JAKMIP2: variants seen among roughly 807,000 people sequenced by gnomAD.
JAKMIP2 encodes the protein janus kinase and microtubule-interacting protein 2.
A neutral mutation model predicts 115.0 loss-of-function variants in JAKMIP2; 25 were observed. That is an observed-to-expected ratio of 0.22 (90% CI 0.16 to 0.30). The LOEUF (loss-of-function observed/expected upper bound fraction) is 0.30, where lower values mean the gene tolerates loss of function less well. Among genes scored for constraint, JAKMIP2 ranks in the 10% least tolerant of loss-of-function variants. JAKMIP2 has a pLI of 1.00. For missense variants in JAKMIP2, 642 were observed against 957.6 expected, an observed-to-expected ratio of 0.67 and a Z score of 4.35; for synonymous variants, 334 against 343.6, an observed-to-expected ratio of 0.97 and a Z score of 0.31.
At chr5:147,674,816 C>A (rs1759839291) in intron 1 of JAKMIP2, among the ~76,000 whole-genome samples, 1 of 152,148 alleles carries the variant, frequency 6.6e-6, no homozygotes, top group African/African-American at 2.4e-5. Flanking sequence ...AGACCGGGAA[C>A]CAAGCTCTTT....
chr5:147,639,776 A>T lies in JAKMIP2; in HGVS notation c.1402-16T>A. 6.2e-7 allele frequency: 1 copy of T among 1,610,004 alleles called. No homozygotes were observed. The highest frequency in any genetic ancestry group is 1.7e-5 in the Admixed American group (1 of 59,062). ...CTGCTAAACTCTTGAGGTTAAGAAAAAAAGCCCCAAAACAATTGTGTTATG... is the reference window on the plus strand; with the variant it reads ...CTGCTAAACTCTTGAGGTTAAGAAATAAAGCCCCAAAACAATTGTGTTATG... On this transcript the variant is annotated splice_polypyrimidine_tract_variant and intron_variant, in intron 9 of 21. Transcript: ENST00000616793.
chr5:147,773,291 C>T (rs181821172), intron 1 of JAKMIP2, among the ~76,000 whole-genome samples: 13 of 152,080 alleles, frequency 8.5e-5, no homozygotes, highest in South Asian at 2.1e-4. Context: ...AGGATCCTTT[C>T]GTTGGTCAAA....
chr5:147,631,378 T>C (rs746928388), intron 14 of JAKMIP2, 35 bp downstream of exon 14: 3 of 1,401,822 alleles, frequency 2.1e-6, no homozygotes, highest in Admixed American at 2.0e-5. Context: ...GTTTTTCTAA[T>C]TTCTACAAAC....
intron 19 of JAKMIP2, 49 bp from the exon 20 acceptor site, chr5:147,612,420 T>C: frequency 1.8e-6 from 2 of 1,122,316 alleles, no homozygotes; most frequent in Non-Finnish European, 2.6e-6. Flanking sequence ...TGGTAAGTTG[T>C]GCGGAAAAAT....
chr5:147,597,888 T>C (rs1755476711), intron 21 of JAKMIP2, among the ~76,000 whole-genome samples: 1 of 152,118 alleles, frequency 6.6e-6, no homozygotes, highest in Admixed American at 6.5e-5. Flanking sequence ...CCTTCAGCCT[T>C]TGGACTCTGG....
chr5:147,639,775 A>T lies in JAKMIP2; in HGVS notation c.1402-15T>A, dbSNP rs773138832. On this transcript the variant is annotated splice_polypyrimidine_tract_variant and intron_variant, in intron 9 of 21. Coordinates refer to ENST00000616793, the MANE Select transcript of JAKMIP2 (RefSeq NM_001270941.2). ...GCTGCTAAACTCTTGAGGTTAAGAA[A>T]AAAAGCCCCAAAACAATTGTGTTAT... 1 of 1,609,014 alleles carries T rather than the reference A, an allele frequency of 6.2e-7. No individual in the cohort carries two copies. The highest frequency in any genetic ancestry group is 1.7e-5 in the Admixed American group (1 of 59,054).
rs182899180 is a variant in JAKMIP2 at position 147,763,511 on chromosome 5, C to T, written c.-149+18945G>A. 7.9e-5 allele frequency among the ~76,000 whole-genome samples: 12 copies of T among 152,178 alleles called. No individual in the cohort carries two copies. In the East Asian group the frequency reaches 2.1e-3, roughly 27 times the overall value. Reference sequence around the variant, plus strand: ...TTGGGGTCAGGTTACTACAGGCTTTCGAATATCCTAGATGCATTGCAGGAA... The same window carrying T: ...TTGGGGTCAGGTTACTACAGGCTTTTGAATATCCTAGATGCATTGCAGGAA... On this transcript the variant is annotated intron_variant, in intron 1 of 21. Transcript: ENST00000616793.
intron 1 of JAKMIP2, among the ~76,000 whole-genome samples, chr5:147,698,096 C>CCA (rs1445853267): frequency 6.6e-6 from 1 of 152,148 alleles, no homozygotes; most frequent in African/African-American, 2.4e-5. Flanking sequence ...GGCCATGAGC[C>CCA]CACCTCTTGC....
chr5:147,719,033 T>C (rs1753140057), intron 1 of JAKMIP2, among the ~76,000 whole-genome samples: 1 of 139,878 alleles, frequency 7.1e-6, no homozygotes, highest in African/African-American at 2.8e-5. Context: ...GTCCCAGAGA[T>C]TCTGGTATGT....
intron 2 of JAKMIP2, among the ~76,000 whole-genome samples, chr5:147,667,815 G>A (rs927326283): frequency 6.6e-6 from 1 of 152,198 alleles, no homozygotes; most frequent in African/African-American, 2.4e-5. Context: ...TTTGGTACCT[G>A]TATCTGGAGG....
At chr5:147,604,785 T>TG (rs1755903217) in intron 20 of JAKMIP2, among the ~76,000 whole-genome samples, 1 of 148,952 alleles carries the variant, frequency 6.7e-6, no homozygotes, top group South Asian at 2.2e-4. Context: ...ATTCCTGGTG[T>TG]CTTGGGCCAG....
At chr5:147,628,881 G>A in intron 15 of JAKMIP2, 65 bp from the exon 16 acceptor site, 1 of 1,178,502 alleles carries the variant, frequency 8.5e-7, no homozygotes, top group South Asian at 1.3e-5. Context: ...AGAAAATACT[G>A]TCTGACTGAC....
chr5:147,762,633 C>G (rs532378084), intron 1 of JAKMIP2, among the ~76,000 whole-genome samples: 1 of 152,038 alleles, frequency 6.6e-6, no homozygotes, highest in African/African-American at 2.4e-5. Flanking sequence ...TAGGACTCAA[C>G]CCTTATGACC....
chr5:147,634,343 C>A (rs1402741101), intron 12 of JAKMIP2, among the ~76,000 whole-genome samples: 1 of 151,914 alleles, frequency 6.6e-6, no homozygotes, highest in Non-Finnish European at 1.5e-5. Context: ...AATATAATAA[C>A]ACTTATTACT....
At chr5:147,703,350 A>G (rs906180734) in intron 1 of JAKMIP2, among the ~76,000 whole-genome samples, 10 of 152,256 alleles carry the variant, frequency 6.6e-5, no homozygotes, top group African/African-American at 2.4e-4. Flanking sequence ...ATCTAAACAT[A>G]CTTAAACATA....
chr5:147,635,249 G>T (rs1288704036), intron 12 of JAKMIP2, among the ~76,000 whole-genome samples: 2 of 152,076 alleles, frequency 1.3e-5, no homozygotes, highest in Non-Finnish European at 2.9e-5. Context: ...AGCCACCTTT[G>T]AACTGAAAAT....
chr5:147,616,119 T>G (rs1216972419), intron 19 of JAKMIP2, among the ~76,000 whole-genome samples: 1 of 152,066 alleles, frequency 6.6e-6, no homozygotes, highest in Non-Finnish European at 1.5e-5. Flanking sequence ...GAAGTAAGGA[T>G]AAGAACGCAT....
intron 18 of JAKMIP2, among the ~76,000 whole-genome samples, chr5:147,618,590 T>C (rs1013999331): frequency 6.6e-6 from 1 of 151,998 alleles, no homozygotes; most frequent in African/African-American, 2.4e-5. Context: ...TATAAAAAAT[T>C]AGGTGGGCGT....
chr5:147,750,844 G>A (rs1227018109), intron 1 of JAKMIP2, among the ~76,000 whole-genome samples: 1 of 152,078 alleles, frequency 6.6e-6, no homozygotes, highest in Non-Finnish European at 1.5e-5. Context: ...GGAGGCCATT[G>A]GCAAGCCAGC....
Sources: gnomAD v4.1 joint callset for allele counts (sites outside exome capture counted in the v4.1 genomes callset) on GRCh38, gnomAD v4.1.1 for gene constraint, MANE v1.5 for transcripts, NCBI Gene and HGNC (gene_info 2026-07-23, HGNC 2026-07-21) for gene names.